Variants in GPHN observed in about 807,000 individuals in gnomAD.
GPHN encodes the protein gephyrin.
In GPHN, 17 loss-of-function variants were observed where a neutral mutation model predicts 95.5. The ratio of observed to expected loss-of-function variants is 0.18; its 90% CI spans 0.12 to 0.27. The LOEUF (loss-of-function observed/expected upper bound fraction) is 0.27. Among genes scored for constraint, GPHN ranks in the 10% least tolerant of loss-of-function variants. The pLI, the probability that GPHN is intolerant of heterozygous loss-of-function variation, is 1.00. For synonymous variants in GPHN, 320 were observed against 322.5 expected (o/e 0.99, Z 0.08); for missense variants, 660 against 978.1 (o/e 0.67, Z 4.34).
chr14:67,675,532 G>T, the GPHN span, among the ~76,000 whole-genome samples: 1 of 152,022 alleles, frequency 6.6e-6, no homozygotes, highest in East Asian at 1.9e-4. Context: ...GGATGACCTC[G>T]AAATACTCTA....
intron 2 of GPHN, among the ~76,000 whole-genome samples, chr14:66,757,348 A>G (rs1421312972): frequency 1.5e-5 from 2 of 130,020 alleles, no homozygotes; most frequent in African/African-American, 8.0e-5. Context: ...ATATACACGC[A>G]CACACACACA....
chr14:67,645,551 GGA>G, the GPHN span: 115 of 1,443,114 alleles, frequency 8.0e-5, no homozygotes, highest in Non-Finnish European at 1.0e-4. Flanking sequence ...TTTGCACTGT[GGA>G]GAGAGTATAA....
the GPHN span, among the ~76,000 whole-genome samples, chr14:67,420,186 C>T: frequency 6.6e-6 from 1 of 152,346 alleles, no homozygotes; most frequent in Non-Finnish European, 1.5e-5. Flanking sequence ...CAGAAAGTCT[C>T]TGCCACTCCC....
intron 4 of GPHN, among the ~76,000 whole-genome samples, chr14:66,839,321 A>T (rs1043774796): frequency 3.3e-5 from 5 of 152,232 alleles, no homozygotes; most frequent in African/African-American, 1.2e-4. Flanking sequence ...TTCTCTATGA[A>T]GAATGAAGAT....
At chr14:67,147,722 C>T (rs1439223432) in intron 18 of GPHN, among the ~76,000 whole-genome samples, 1 of 152,004 alleles carries the variant, frequency 6.6e-6, no homozygotes, top group African/African-American at 2.4e-5. Flanking sequence ...ATCAGCGTTT[C>T]CTCTGAGGGT....
At chr14:66,986,135 A>T (rs948720114) in intron 9 of GPHN, among the ~76,000 whole-genome samples, 23 of 152,158 alleles carry the variant, frequency 1.5e-4, no homozygotes, top group Admixed American at 2.6e-4. Context: ...TTGTAAAAAA[A>T]ATAATTTTAA....
the GPHN span, chr14:67,571,712 T>C: frequency 2.5e-6 from 4 of 1,600,656 alleles, no homozygotes; most frequent in Admixed American, 3.3e-5. Flanking sequence ...AGGACTGTTT[T>C]GCAGCCTGAG....
At chr14:67,691,388 T>C in the GPHN span, 1 of 610,632 alleles carries the variant, frequency 1.6e-6, no homozygotes, top group Non-Finnish European at 2.9e-6. Context: ...TTTTCTATTG[T>C]TTTTCATTTT....
chr14:67,460,396 G>C, the GPHN span, among the ~76,000 whole-genome samples: 1 of 152,226 alleles, frequency 6.6e-6, no homozygotes, highest in African/African-American at 2.4e-5. Context: ...GCCAGGTAAG[G>C]CTGTAAGGAA....
At chr14:66,894,699 A>T (rs1210571551) in intron 5 of GPHN, among the ~76,000 whole-genome samples, 1 of 152,252 alleles carries the variant, frequency 6.6e-6, no homozygotes, top group African/African-American at 2.4e-5. Context: ...TGGGCGAAGG[A>T]TATGAACAGA....
intron 9 of GPHN, among the ~76,000 whole-genome samples, chr14:67,011,573 CAA>C (rs201978777): frequency 9.5e-5 from 6 of 63,186 alleles, no homozygotes; most frequent in Admixed American, 1.9e-4. Flanking sequence ...GACCTTGCCT[CAA>C]AAAAAAAAAA....
At chr14:66,921,942 C>G (rs749526962) in intron 6 of GPHN, among the ~76,000 whole-genome samples, 6 of 151,978 alleles carry the variant, frequency 3.9e-5, no homozygotes, top group Non-Finnish European at 8.8e-5. Flanking sequence ...ACAAAGCAAA[C>G]AAAAACATAA....
intron 20 of GPHN, among the ~76,000 whole-genome samples, chr14:67,166,733 G>C (rs370630408): frequency 6.6e-6 from 1 of 152,252 alleles, no homozygotes; most frequent in African/African-American, 2.4e-5. Flanking sequence ...GCAGCAGCGC[G>C]ATCTCAGCTC....
intron 3 of GPHN, among the ~76,000 whole-genome samples, chr14:66,811,302 T>G (rs922709133): frequency 1.3e-5 from 2 of 151,852 alleles, no homozygotes; most frequent in African/African-American, 2.4e-5. Flanking sequence ...AAATAAAACG[T>G]AAAAAAAGAA....
rs149833271 is a variant in GPHN at position 66,608,436 on chromosome 14, T to C, written c.65-72671T>C. ...GGTTGATCTTAGAATATGTTTCTTATGCAGATGAGAGAAATGTATATTATG... is the reference window on the plus strand; with the variant it reads ...GGTTGATCTTAGAATATGTTTCTTACGCAGATGAGAGAAATGTATATTATG... On this transcript the variant is annotated intron_variant, in intron 1 of 22. Coordinates refer to ENST00000478722, the MANE Select transcript of GPHN (RefSeq NM_020806.5). 2.2e-3 allele frequency among the ~76,000 whole-genome samples: 333 copies of C among 152,244 alleles called. 1 individual carries two copies. The highest frequency in any genetic ancestry group is 7.7e-3 in the African/African-American group (322 of 41,576).
chr14:66,625,727 A>G (rs1395098013), intron 1 of GPHN, among the ~76,000 whole-genome samples: 3 of 152,190 alleles, frequency 2.0e-5, no homozygotes, highest in East Asian at 1.9e-4. Context: ...TTTAAAGACT[A>G]TTCTGTTTCT....
At chr14:67,095,966 CAAAAAAAAAA>C in intron 12 of GPHN, among the ~76,000 whole-genome samples, 1 of 67,086 alleles carries the variant, frequency 1.5e-5, no homozygotes, top group Non-Finnish European at 3.6e-5. Context: ...AAGAAAAAGG[CAAAAAAAAAA>C]AAAAAAAAAA....
chr14:67,012,497 C>G (rs1412171075), intron 9 of GPHN, among the ~76,000 whole-genome samples: 1 of 152,142 alleles, frequency 6.6e-6, no homozygotes, highest in Non-Finnish European at 1.5e-5. Flanking sequence ...TGACCAATTA[C>G]AACAGTCTTC....
chr14:67,398,747 G>A, the GPHN span, among the ~76,000 whole-genome samples: 2 of 151,944 alleles, frequency 1.3e-5, no homozygotes, highest in African/African-American at 4.8e-5. Flanking sequence ...TTGTAAAGAC[G>A]AGGTCTCACT....
Sources: allele counts gnomAD v4.1 joint callset (sites outside exome capture counted in the v4.1 genomes callset), GRCh38; gene constraint gnomAD v4.1.1; transcripts MANE v1.5; gene names NCBI Gene and HGNC (gene_info 2026-07-23, HGNC 2026-07-21).